CHSY3: variants seen among roughly 807,000 people sequenced by gnomAD.
CHSY3 encodes chondroitin sulfate synthase 3, also known as N-acetylgalactosaminyl-proteoglycan 3-beta-glucuronosyltransferase 3.
CHSY3 carries 35 observed loss-of-function variants against 67.2 expected under a neutral mutation model. That is an observed-to-expected ratio of 0.52 (90% confidence interval 0.40 to 0.69). CHSY3 has a LOEUF of 0.69. Ranked by LOEUF, CHSY3 falls within the 30% of genes least tolerant of loss-of-function variation. The pLI, the probability that CHSY3 is intolerant of heterozygous loss-of-function variation, is 0.00. For synonymous variants in CHSY3, 474 were observed against 434.7 expected (o/e 1.09, Z -1.12); for missense variants, 1,069 against 1,138.5 (o/e 0.94, Z 0.88).
intron 2 of CHSY3, among the ~76,000 whole-genome samples, chr5:130,059,521 C>T (rs1485421175): frequency 6.6e-6 from 1 of 151,448 alleles, no homozygotes; most frequent in Non-Finnish European, 1.5e-5. Flanking sequence ...CTGACTAAAA[C>T]AGGATCCAAC....
intron 2 of CHSY3, among the ~76,000 whole-genome samples, chr5:129,985,101 T>C (rs1300057167): frequency 2.0e-5 from 3 of 152,148 alleles, no homozygotes; most frequent in African/African-American, 7.2e-5. Flanking sequence ...TTGCCAGGGC[T>C]AGTGCCCCAG....
At chr5:129,927,370 G>C (rs1761151825) in intron 2 of CHSY3, among the ~76,000 whole-genome samples, 1 of 151,902 alleles carries the variant, frequency 6.6e-6, no homozygotes, top group Non-Finnish European at 1.5e-5. Flanking sequence ...GTAACAAATG[G>C]TCACAAGAAC....
chr5:130,128,722 G>A (rs962385163), intron 2 of CHSY3, among the ~76,000 whole-genome samples: 2 of 152,114 alleles, frequency 1.3e-5, no homozygotes, highest in Admixed American at 1.3e-4. Flanking sequence ...TCATACATAT[G>A]TCTGTGGCCT....
chr5:130,143,392 C>T (rs1165397250), intron 2 of CHSY3, among the ~76,000 whole-genome samples: 1 of 151,934 alleles, frequency 6.6e-6, no homozygotes, highest in East Asian at 1.9e-4. Context: ...CTAAGACAGG[C>T]CAAATTAATC....
chr5:130,040,723 T>G (rs1003058241), intron 2 of CHSY3, among the ~76,000 whole-genome samples: 1 of 152,146 alleles, frequency 6.6e-6, no homozygotes, highest in Non-Finnish European at 1.5e-5. Flanking sequence ...CTGATTCTTA[T>G]GTCAAACACC....
At chr5:130,038,303 A>G (rs560022228) in intron 2 of CHSY3, among the ~76,000 whole-genome samples, 1 of 152,230 alleles carries the variant, frequency 6.6e-6, no homozygotes, top group South Asian at 2.1e-4. Flanking sequence ...TCTATTTGAA[A>G]AGTTATAAGG....
intron 2 of CHSY3, among the ~76,000 whole-genome samples, chr5:130,022,511 GTC>G (rs1289413985): frequency 6.6e-6 from 1 of 151,954 alleles, no homozygotes; most frequent in African/African-American, 2.4e-5. Context: ...ATCTAGATAA[GTC>G]TTTGAGAGTA....
At chr5:129,933,495 TACTA>T (rs71937860) in intron 2 of CHSY3, among the ~76,000 whole-genome samples, 73,833 of 151,662 alleles carry the variant, frequency 0.49, 18,717 homozygotes, top group Middle Eastern at 0.59. Context: ...ATATTTAAAA[TACTA>T]AATAAAGAAG....
intron 2 of CHSY3, among the ~76,000 whole-genome samples, chr5:130,171,624 A>G (rs1484487308): frequency 1.3e-5 from 2 of 152,212 alleles, no homozygotes; most frequent in Non-Finnish European, 2.9e-5. Context: ...TCTTTATCAC[A>G]TATAAGAGTT....
chr5:130,050,257 A>G (rs1473638577), intron 2 of CHSY3, among the ~76,000 whole-genome samples: 1 of 152,082 alleles, frequency 6.6e-6, no homozygotes, highest in Admixed American at 6.6e-5. Flanking sequence ...TCTCACGTTA[A>G]AAGATTTTAT....
chr5:130,125,360 C>T (rs564285779), intron 2 of CHSY3, among the ~76,000 whole-genome samples: 5 of 151,918 alleles, frequency 3.3e-5, no homozygotes, highest in South Asian at 4.2e-4. Flanking sequence ...GAGGCTGCAG[C>T]GAGCTGTGAT....
At chr5:130,163,721 T>G (rs1769634535) in intron 2 of CHSY3, among the ~76,000 whole-genome samples, 1 of 152,148 alleles carries the variant, frequency 6.6e-6, no homozygotes, top group Admixed American at 6.6e-5. Flanking sequence ...TAACTGTGGA[T>G]GGGGGAGGAT....
chr5:130,184,513 T>G lies in CHSY3; in HGVS notation c.1371T>G (p.Pro457=). The change falls in exon 3 of 3, where the codon CCT becomes CCG. Residue 457 remains proline, a synonymous_variant. Transcript: ENST00000305031. ...GVIPSFNHFQ[P]RERNEVIEWE... is the part of the protein sequence containing the mutation. ...TACCTTCTTTCAACCACTTCCAGCCTCGGGAGAGAAATGAAGTGATAGAAT... is the reference window on the plus strand; with the variant it reads ...TACCTTCTTTCAACCACTTCCAGCCGCGGGAGAGAAATGAAGTGATAGAAT... 6.2e-7 allele frequency: 1 copy of G among 1,611,452 alleles called. No individual in the cohort carries two copies.
intron 2 of CHSY3, among the ~76,000 whole-genome samples, chr5:129,933,981 T>C (rs1335092099): frequency 6.6e-6 from 1 of 152,170 alleles, no homozygotes; most frequent in Non-Finnish European, 1.5e-5. Context: ...TCAGTGTTGC[T>C]TATGCATAAC....
chr5:129,924,544 G>A (rs544296391), intron 2 of CHSY3, among the ~76,000 whole-genome samples: 27 of 151,612 alleles, frequency 1.8e-4, no homozygotes, highest in Non-Finnish European at 4.4e-5. Context: ...TGCTCGGGAG[G>A]CTGAAGCACA....
chr5:129,959,011 ACT>A (rs940370018), intron 2 of CHSY3, among the ~76,000 whole-genome samples: 1 of 152,030 alleles, frequency 6.6e-6, no homozygotes, highest in Non-Finnish European at 1.5e-5. Context: ...AACATAGCAA[ACT>A]CTACTATTCA....
In CHSY3 at chr5:130,185,716, C is replaced by A. The variant is rs148231534; in HGVS notation, c.2574C>A (p.Phe858Leu). ...GCTTAGGATCCAAGGCAAGTACTTT[C>A]GCCTCAACCATGCAACTGGCTGAAC... Reference protein sequence around the residue: ...KMCLGSKASTFASTMQLAELW... With the variant: ...KMCLGSKASTLASTMQLAELW... The change falls in exon 3 of 3, where the codon TTC becomes TTA. Residue 858 changes from phenylalanine to leucine, a missense_variant. By Grantham distance (22) the Phe-to-Leu change is conservative. This residue lies in a region of CHSY3 where 139 missense variants were observed against 152.8 expected (regional missense o/e 0.91). Coordinates refer to ENST00000305031, the MANE Select transcript of CHSY3 (RefSeq NM_175856.5). 2 of 1,613,284 alleles carry A rather than the reference C, an allele frequency of 1.2e-6. No homozygotes were observed. Among genetic ancestry groups the A allele is most frequent in the Admixed American group, 1.7e-5 (1 of 59,954 alleles).
At chr5:130,083,638 G>C (rs1766512640) in intron 2 of CHSY3, among the ~76,000 whole-genome samples, 1 of 151,854 alleles carries the variant, frequency 6.6e-6, no homozygotes, top group African/African-American at 2.4e-5. Context: ...AGATAATAAG[G>C]GGTTTAGTTC....
intron 2 of CHSY3, among the ~76,000 whole-genome samples, chr5:129,968,838 C>T (rs1029625135): frequency 3.3e-5 from 5 of 151,796 alleles, no homozygotes; most frequent in African/African-American, 1.2e-4. Context: ...AGTCTACCTG[C>T]ATCTGAAATA....
Sources: gnomAD v4.1 joint callset for allele counts (sites outside exome capture counted in the v4.1 genomes callset) on GRCh38, gnomAD v4.1.1 for gene constraint, gnomAD v4.1.1 regional missense constraint, MANE v1.5 for transcripts, NCBI Gene and HGNC (gene_info 2026-07-23, HGNC 2026-07-21) for gene names.